The following MAPK3 variants were observed in gnomAD, a reference collection of about 807,000 sequenced individuals.
MAPK3 encodes MAPK 1.
A neutral mutation model predicts 41.8 loss-of-function variants in MAPK3; 30 were observed. That is an observed-to-expected ratio of 0.72 (90% confidence interval 0.54 to 0.97). The LOEUF (loss-of-function observed/expected upper bound fraction) is 0.97. Among genes scored for constraint, MAPK3 ranks in the 50% least tolerant of loss-of-function variants. The pLI, the probability that MAPK3 is intolerant of heterozygous loss-of-function variation, is 0.00. For synonymous variants in MAPK3, 222 were observed against 213.4 expected (o/e 1.04, Z -0.35); for missense variants, 413 against 509.9 (o/e 0.81, Z 1.83).
chr16:30,117,599 C>T (rs1448397288), intron 5 of MAPK3, 71 bp downstream of exon 5: 2 of 1,234,594 alleles, frequency 1.6e-6, no homozygotes, highest in African/African-American at 3.0e-5. Flanking sequence ...GTATCCCTGA[C>T]TTGGACTCTC....
In MAPK3 at chr16:30,118,526, C is replaced by T. The variant is rs2072982798; in HGVS notation, c.366G>A (p.Gln122=). Residue 122 remains glutamine (Q), a synonymous_variant, in exon 3 of 9, where the codon CAG becomes CAA. Coordinates refer to ENST00000263025, the MANE Select transcript of MAPK3 (RefSeq NM_002746.3). ...TGTACAGGTCAGTCTCCATCAGGTC[C>T]TGCACAATGTAGCTGAGGATGGTTC... ...LEAMRDVYIV[Q]DLMETDLYKL... The T allele has an allele frequency of 6.2e-7, 1 of 1,613,308 alleles. No homozygotes were observed. The highest frequency in any genetic ancestry group is 2.2e-5 in the East Asian group (1 of 44,872).
At chr16:30,122,262 T>A in intron 1 of MAPK3, 2 of 546,540 alleles carry the variant, frequency 3.7e-6, no homozygotes, top group Non-Finnish European at 6.6e-6. Flanking sequence ...CTCTCCTCAA[T>A]CCCCTTCCAT....
rs375146669 is a variant in MAPK3 at position 30,123,118 on chromosome 16, A to G, written c.92T>C (p.Val31Ala). Residue 31 changes from valine (V) to alanine (A), a missense_variant, in exon 1 of 9, where the codon GTG (valine) becomes GCG (alanine). Transcript: ENST00000263025. ...GPGVPGEVEM[V>A]KGQPFDVGPR... Reference sequence around the variant, plus strand: ...GCCCACGTCGAACGGCTGCCCCTTCACCATCTCCACCTCCCCCGGGACCCC... The same window carrying G: ...GCCCACGTCGAACGGCTGCCCCTTCGCCATCTCCACCTCCCCCGGGACCCC... 1 of 1,552,808 alleles carries G rather than the reference A, an allele frequency of 6.4e-7. No homozygotes were observed. The highest frequency in any genetic ancestry group is 8.7e-7 in the Non-Finnish European group (1 of 1,152,502).
Position 30,117,229 on chromosome 16 carries a change from G to A in MAPK3, c.832C>T (p.Arg278Ter), listed in dbSNP as rs769773760. ...GAGGGCAGAGACTGTAGGTAGTTTC[G>A]GGCCTTCATGTTGATGATACAATTC... is the stretch of plus-strand genomic sequence containing the variant. The part of the protein sequence containing the change: ...DLNCIINMKA[R>*]NYLQSLPSKT... Residue 278 changes from arginine to a stop codon, truncating the protein, a stop_gained, in exon 6 of 9, where the codon CGA (arginine) becomes TGA (stop). Coordinates refer to ENST00000263025, the MANE Select transcript of MAPK3 (RefSeq NM_002746.3). LOFTEE classifies it high-confidence loss of function. 1.3e-5 allele frequency: 21 copies of A among 1,614,072 alleles called. No individual in the cohort carries two copies. Among genetic ancestry groups the A allele is most frequent in the Non-Finnish European group, 1.0e-5 (12 of 1,179,990 alleles).
chr16:30,118,196 T>A (rs2151045746), intron 3 of MAPK3, 33 bp from the exon 4 acceptor site: 1 of 1,599,326 alleles, frequency 6.3e-7, no homozygotes, highest in Non-Finnish European at 8.6e-7. Flanking sequence ...AGCTCGGCGC[T>A]CAAGGCCTCT....
Position 30,122,010 on chromosome 16 carries a change from A to T in MAPK3, c.171-4T>A, listed in dbSNP as rs779072572. 6.2e-7 allele frequency: 1 copy of T among 1,613,848 alleles called. No individual in the cohort carries two copies. The highest frequency in any genetic ancestry group is 2.2e-5 in the East Asian group (1 of 44,870). ...GCGCACGTGGTCATAGGCCGAGCTG[A>T]GGGGACCGGAGAGAGGCTGCTGCTG... On this transcript the variant is annotated splice_region_variant and splice_polypyrimidine_tract_variant and intron_variant, in intron 1 of 8. Transcript: ENST00000263025.
At chr16:30,115,620 C>CTCT in intron 8 of MAPK3, 1 of 152,438 alleles carries the variant, frequency 6.6e-6, no homozygotes, top group East Asian at 1.9e-4. Context: ...CCTCAGTGAC[C>CTCT]TCTTGCCTCT....
In MAPK3 at chr16:30,116,793, G is replaced by A. The variant is rs113204102; in HGVS notation, c.1018-3C>T. 1 of 1,613,764 alleles carries A rather than the reference G, an allele frequency of 6.2e-7. No homozygotes were observed. The highest frequency in any genetic ancestry group is 1.3e-5 in the African/African-American group (1 of 74,882). On this transcript the variant is annotated splice_region_variant and splice_polypyrimidine_tract_variant and intron_variant, in intron 7 of 8. Transcript: ENST00000263025. Reference sequence around the variant, plus strand: ...GTGAAGGGCTCCTCGGCCACTGGCTGGGGTGGTAGAGACAGCAAGGCTCAG... The same window carrying A: ...GTGAAGGGCTCCTCGGCCACTGGCTAGGGTGGTAGAGACAGCAAGGCTCAG...
At chr16:30,122,977 C>A in intron 1 of MAPK3, 63 bp downstream of exon 1, 1 of 1,334,398 alleles carries the variant, frequency 7.5e-7, no homozygotes, top group Admixed American at 3.3e-5. Flanking sequence ...TCGGCGCCTC[C>A]TCCTCCTCTC....
At chr16:30,122,933 G>T in intron 1 of MAPK3, 107 bp downstream of exon 1, 1 of 1,024,050 alleles carries the variant, frequency 9.8e-7, no homozygotes, top group Non-Finnish European at 1.3e-6. Flanking sequence ...CTGCCTCCTC[G>T]GGACGCTCCG....
In MAPK3 at chr16:30,118,149, G is replaced by A. The variant is rs769437533; in HGVS notation, c.558C>T (p.Gly186=). The A allele has an allele frequency of 2.5e-6, 4 of 1,613,846 alleles. No homozygotes were observed. The South Asian group carries it at 3.3e-5, about 13-fold the overall frequency. Residue 186 remains glycine (G), a synonymous_variant, in exon 4 of 9, where the codon GGC becomes GGT. Coordinates refer to ENST00000263025, the MANE Select transcript of MAPK3 (RefSeq NM_002746.3). ...GCTCAGGATCGGCAATCCGGGCCAG[G>A]CCGAAATCACAAATCTGGAATCAGA... ...TTCDLKICDF[G]LARIADPEHD...
At chr16:30,122,236 C>G in intron 1 of MAPK3, 4 of 579,912 alleles carry the variant, frequency 6.9e-6, no homozygotes, top group South Asian at 4.0e-5. Context: ...AGAGACTGAC[C>G]GCTCACTGAC....
intron 8 of MAPK3, 33 bp downstream of exon 8, chr16:30,116,602 AG>A: frequency 1.3e-6 from 2 of 1,591,874 alleles, no homozygotes; most frequent in South Asian, 2.2e-5. Context: ...ATTTAGTATC[AG>A]GGTGTCCATG....
intron 1 of MAPK3, 177 bp from the exon 2 acceptor site, chr16:30,122,183 G>A: frequency 1.5e-6 from 1 of 645,308 alleles, no homozygotes; most frequent in Non-Finnish European, 2.7e-6. Context: ...GAGAAAGCTG[G>A]GGACCAGCCA....
rs1945337299 is a variant in MAPK3 at position 30,117,013 on chromosome 16, G to A, written c.908-10C>T. 1.9e-6 allele frequency: 3 copies of A among 1,596,698 alleles called. No homozygotes were observed. Among genetic ancestry groups the A allele is most frequent in the Admixed American group, 1.7e-5 (1 of 59,030 alleles). On this transcript the variant is annotated splice_polypyrimidine_tract_variant and intron_variant, in intron 6 of 8. Transcript: ENST00000263025. ...TCCAGCAGGTCAAGGGCTATGGAAG[G>A]GCAGGAGTCAGGGGTCACAGGGAAG...
At chr16:30,115,070 C>A (rs2072941735) in intron 8 of MAPK3, among the ~76,000 whole-genome samples, 1 of 142,846 alleles carries the variant, frequency 7.0e-6, no homozygotes, top group Admixed American at 6.8e-5. Flanking sequence ...GACCCCAGCT[C>A]CACAAAAAAA....
rs899773241 is a variant in MAPK3 at position 30,117,998 on chromosome 16, C to T, written c.660+49G>A. The T allele has an allele frequency of 2.5e-5, 38 of 1,538,180 alleles. 1 individual carries two copies. Among genetic ancestry groups the T allele is most frequent in the Admixed American group, 1.0e-4 (6 of 59,570 alleles). The stretch of plus-strand genomic sequence containing the variant: ...GTCTGGCTCAGAGGTAGCTCCAGGG[C>T]TTCCTGGGAACTGGTCCGTTCCTTT... On this transcript the variant is annotated intron_variant, in intron 4 of 8. Transcript: ENST00000263025.
chr16:30,119,398 C>T lies in MAPK3; in HGVS notation c.354-860G>A, dbSNP rs201108512. Reference sequence around the variant, plus strand: ...AACTCATGGGTTCAAGTGTTCCTTCCACCTCGGCCTCCCAAAGTGCTGGAA... The same window carrying T: ...AACTCATGGGTTCAAGTGTTCCTTCTACCTCGGCCTCCCAAAGTGCTGGAA... On this transcript the variant is annotated intron_variant, in intron 2 of 8. Transcript: ENST00000263025. 2.6e-5 allele frequency among the ~76,000 whole-genome samples: 4 copies of T among 152,150 alleles called. No homozygotes were observed. In the East Asian group the frequency reaches 5.8e-4, roughly 22 times the overall value.
intron 1 of MAPK3, 175 bp downstream of exon 1, chr16:30,122,865 C>T (rs1202276400): frequency 2.0e-6 from 1 of 503,444 alleles, no homozygotes; most frequent in Non-Finnish European, 3.4e-6. Flanking sequence ...AGCGCCCCCT[C>T]CCCCAGAAAG....
Sources: gnomAD v4.1 joint callset for allele counts (sites outside exome capture counted in the v4.1 genomes callset) on GRCh38, gnomAD v4.1.1 for gene constraint, MANE v1.5 for transcripts, NCBI Gene and HGNC (gene_info 2026-07-23, HGNC 2026-07-21) for gene names.